The following NRXN3 variants were observed in gnomAD, a reference collection of about 807,000 sequenced individuals.
NRXN3 encodes neurexin III.
NRXN3 carries 32 observed loss-of-function variants against 137.6 expected under a neutral mutation model. The ratio of observed to expected loss-of-function variants is 0.23; its 90% CI spans 0.18 to 0.31. The LOEUF is 0.31. Ranked by LOEUF, NRXN3 falls within the 10% of genes least tolerant of loss-of-function variation. The probability of loss-of-function intolerance (pLI) is 1.00; values close to 1 mark genes in which losing one functional copy is unlikely to be tolerated. For synonymous variants in NRXN3, 798 were observed against 784.5 expected, an observed-to-expected ratio of 1.02 and a Z score of -0.29; for missense variants, 1,574 against 2,062.5, an observed-to-expected ratio of 0.76 and a Z score of 4.59.
intron 15 of NRXN3, among the ~76,000 whole-genome samples, chr14:79,171,068 A>G (rs2061730143): frequency 1.3e-5 from 2 of 152,112 alleles, no homozygotes; most frequent in Non-Finnish European, 2.9e-5. Context: ...CCCAATTAGT[A>G]GGAACAACCA....
At chr14:79,375,440 G>C (rs1420643693) in intron 15 of NRXN3, among the ~76,000 whole-genome samples, 2 of 151,974 alleles carry the variant, frequency 1.3e-5, no homozygotes, top group East Asian at 3.9e-4. Context: ...GGGCACTCCT[G>C]CTGAAGTCTC....
At chr14:78,184,244 C>G (rs2060045862) in intron 1 of NRXN3, among the ~76,000 whole-genome samples, 1 of 152,240 alleles carries the variant, frequency 6.6e-6, no homozygotes. Context: ...TTAACAAGTA[C>G]TAATTGAGCG....
At chr14:79,703,717 G>A (rs372610506) in intron 19 of NRXN3, among the ~76,000 whole-genome samples, 93 of 152,014 alleles carry the variant, frequency 6.1e-4, no homozygotes, top group African/African-American at 2.1e-3. Context: ...GGGACACAGA[G>A]CCAAACCATA....
chr14:78,770,102 C>A (rs563069690), intron 8 of NRXN3, among the ~76,000 whole-genome samples: 1 of 152,110 alleles, frequency 6.6e-6, no homozygotes, highest in Non-Finnish European at 1.5e-5. Context: ...ATTAACACAA[C>A]GGGGTGATAG....
intron 8 of NRXN3, among the ~76,000 whole-genome samples, chr14:78,791,630 T>C (rs1286221846): frequency 1.3e-5 from 2 of 152,080 alleles, no homozygotes; most frequent in African/African-American, 4.8e-5. Flanking sequence ...ATATATGTAA[T>C]AGAAACAGAC....
At chr14:78,890,750 G>C (rs989814300) in intron 10 of NRXN3, among the ~76,000 whole-genome samples, 2 of 151,978 alleles carry the variant, frequency 1.3e-5, no homozygotes, top group African/African-American at 4.8e-5. Flanking sequence ...TTTGGAAGAA[G>C]TGGTATCTAG....
chr14:79,542,482 G>T (rs183230528), intron 16 of NRXN3, among the ~76,000 whole-genome samples: 1 of 152,106 alleles, frequency 6.6e-6, no homozygotes, highest in Non-Finnish European at 1.5e-5. Context: ...ATGTTGGGCC[G>T]TATCTATTTT....
chr14:78,802,539 TAA>T (rs879815829), intron 8 of NRXN3, among the ~76,000 whole-genome samples: 2 of 152,114 alleles, frequency 1.3e-5, no homozygotes, highest in Non-Finnish European at 2.9e-5. Context: ...ATAATAATAA[TAA>T]AAAAAGTCTT....
chr14:78,920,300 T>C (rs2099267513), intron 10 of NRXN3, among the ~76,000 whole-genome samples: 1 of 152,182 alleles, frequency 6.6e-6, no homozygotes, highest in Admixed American at 6.5e-5. Context: ...GTCACCTTGA[T>C]CGAAGCAAGT....
intron 15 of NRXN3, among the ~76,000 whole-genome samples, chr14:79,072,870 TTCTCTCTC>T (rs762275221): frequency 2.7e-5 from 4 of 149,448 alleles, no homozygotes; most frequent in Non-Finnish European, 5.9e-5. Flanking sequence ...GGTATGTGTT[TTCTCTCTC>T]TCTCTCTCTT....
intron 14 of NRXN3, among the ~76,000 whole-genome samples, chr14:78,987,144 T>C (rs1053318979): frequency 1.3e-5 from 2 of 151,934 alleles, no homozygotes; most frequent in Non-Finnish European, 2.9e-5. Flanking sequence ...TAAAAACAGA[T>C]GTGTGCCTCC....
intron 15 of NRXN3, among the ~76,000 whole-genome samples, chr14:79,110,256 G>A (rs1166689296): frequency 6.6e-6 from 1 of 152,174 alleles, no homozygotes; most frequent in Non-Finnish European, 1.5e-5. Context: ...GTTCCAAGAG[G>A]GTTGGAAGAA....
At position 79,314,369 on chromosome 14, in the gene NRXN3, C is replaced by G. The variant is rs2087877316; in HGVS notation, c.3263-152852C>G. On this transcript the variant is annotated intron_variant, in intron 15 of 20. Coordinates refer to ENST00000335750, the MANE Select transcript of NRXN3 (RefSeq NM_001330195.2). ...GCGCTTTTCAGACCGGCTTAAGAAA[C>G]GGCGCACCACGAGACTATATCCCAC... 5.6e-5 allele frequency among the ~76,000 whole-genome samples: 3 copies of G among 53,544 alleles called. No homozygotes were observed. In the Middle Eastern group the frequency reaches 0.015, roughly 276 times the overall value. The allele number at this position is 53,544 out of a possible 152,430, so 35.1% of individuals were successfully genotyped here. A position where few individuals can be genotyped will look rare whatever the true frequency, so the allele number is the denominator to read the frequency against.
intron 4 of NRXN3, among the ~76,000 whole-genome samples, chr14:78,362,827 G>C (rs1256904986): frequency 1.3e-5 from 2 of 152,310 alleles, no homozygotes; most frequent in Non-Finnish European, 2.9e-5. Context: ...TCACATGAAG[G>C]ATTGTGGTAG....
intron 4 of NRXN3, among the ~76,000 whole-genome samples, chr14:78,308,067 A>C (rs1441370215): frequency 1.3e-5 from 2 of 151,610 alleles, no homozygotes; most frequent in Non-Finnish European, 2.9e-5. Context: ...ATTGGGATGA[A>C]AAATGTTGCT....
At chr14:79,052,667 A>G (rs2099643643) in intron 15 of NRXN3, among the ~76,000 whole-genome samples, 1 of 152,228 alleles carries the variant, frequency 6.6e-6, no homozygotes, top group African/African-American at 2.4e-5. Flanking sequence ...GCATTCTCCC[A>G]TAGTCTTGTC....
rs567976414 is a variant in NRXN3 at position 78,550,275 on chromosome 14, G to A, written c.758-94845G>A. Among the ~76,000 whole-genome samples the A allele has an allele frequency of 5.3e-5, 8 of 152,144 alleles. 1 individual carries two copies. The highest frequency in any genetic ancestry group is 1.2e-4 in the African/African-American group (5 of 41,506). On this transcript the variant is annotated intron_variant, in intron 4 of 20. Coordinates refer to ENST00000335750, the MANE Select transcript of NRXN3 (RefSeq NM_001330195.2). ...GAATTCCTGGACTTAAGTGATCCAC[G>A]TGCTTCTGCCTCCCACAGTGCTGGG... is the stretch of plus-strand genomic sequence containing the variant.
In NRXN3 at chr14:79,279,156, G is replaced by C. The variant is rs543142626; in HGVS notation, c.3263-188065G>C. Among the ~76,000 whole-genome samples the C allele has an allele frequency of 1.8e-3, 270 of 152,232 alleles. 1 individual carries two copies. Among genetic ancestry groups the C allele is most frequent in the African/African-American group, 6.0e-3 (250 of 41,568 alleles). The stretch of plus-strand genomic sequence containing the variant: ...GCGCACACACGGCGGGGCGGGAGCC[G>C]CGCGAGCGAGAGGAGGGCGGGCGGC... On this transcript the variant is annotated intron_variant, in intron 15 of 20. Transcript: ENST00000335750.
At chr14:79,359,538 C>T (rs935953829) in intron 15 of NRXN3, among the ~76,000 whole-genome samples, 1 of 148,958 alleles carries the variant, frequency 6.7e-6, no homozygotes, top group Non-Finnish European at 1.5e-5. Flanking sequence ...TGGAGTTACT[C>T]TTTATCAGAG....
Sources: gnomAD v4.1 joint callset for allele counts (sites outside exome capture counted in the v4.1 genomes callset) on GRCh38, gnomAD v4.1.1 for gene constraint, MANE v1.5 for transcripts, NCBI Gene and HGNC (gene_info 2026-07-23, HGNC 2026-07-21) for gene names.